The following RORA variants were observed in gnomAD, a reference collection of about 807,000 sequenced individuals.
The protein encoded by RORA is nuclear receptor ROR-alpha.
Under a neutral mutation model 69.5 loss-of-function variants are expected in RORA, and 7 were observed. The ratio of observed to expected loss-of-function variants is 0.10; its 90% CI spans 0.06 to 0.19. RORA has a LOEUF of 0.19. RORA is among the 10% of genes least tolerant of loss of function. RORA has a pLI of 1.00. For synonymous variants in RORA, 261 were observed against 240.8 expected, an observed-to-expected ratio of 1.08 and a Z score of -0.78; for missense variants, 457 against 663.0, an observed-to-expected ratio of 0.69 and a Z score of 3.41.
intron 1 of RORA, chr15:60,765,193 C>T (rs141863845): frequency 9.9e-5 from 15 of 152,102 alleles, no homozygotes; most frequent in South Asian, 8.3e-4. Flanking sequence ...TATTTTTGAA[C>T]GAGAAGGACT....
At chr15:60,663,098 G>C (rs991688800) in intron 2 of RORA, among the ~76,000 whole-genome samples, 1 of 152,226 alleles carries the variant, frequency 6.6e-6, no homozygotes, top group Non-Finnish European at 1.5e-5. Flanking sequence ...ATCTGCTGAA[G>C]CCTATATTGC....
chr15:60,857,477 A>C (rs139022020), intron 1 of RORA, among the ~76,000 whole-genome samples: 32 of 152,228 alleles, frequency 2.1e-4, no homozygotes, highest in Admixed American at 2.6e-4. Flanking sequence ...TTTGGAATGA[A>C]ACCAGCAGTG....
At chr15:61,015,929 C>A (rs571965230) in intron 1 of RORA, among the ~76,000 whole-genome samples, 2 of 152,258 alleles carry the variant, frequency 1.3e-5, no homozygotes, top group South Asian at 4.1e-4. Flanking sequence ...GTATGATGAA[C>A]ACAGTTTACG....
rs912390862 is a variant in RORA, at chr15:60,494,720, T to G, written c.*2735A>C. The G allele has an allele frequency of 1.3e-5, 2 of 152,202 alleles. No individual in the cohort carries two copies. Among genetic ancestry groups the G allele is most frequent in the Non-Finnish European group, 2.9e-5 (2 of 68,032 alleles). 9.4% of individuals were successfully genotyped at this position (152,202 alleles called of 1,614,324 possible). ...CAATCAGTGGACTTGGCTCTTAAGC[T>G]CCACCGCTGCTTTTCTTTCAGAAAC... On this transcript the variant is annotated 3_prime_UTR_variant, in exon 11 of 11. Transcript: ENST00000335670.
chr15:61,108,962 G>T (rs2078977479), intron 1 of RORA, among the ~76,000 whole-genome samples: 1 of 152,110 alleles, frequency 6.6e-6, no homozygotes, highest in Admixed American at 6.6e-5. Flanking sequence ...GCTTTGGGAG[G>T]CCAAGGCAGG....
chr15:60,526,260 T>C (rs995100760), intron 3 of RORA, among the ~76,000 whole-genome samples: 1 of 152,170 alleles, frequency 6.6e-6, no homozygotes, highest in African/African-American at 2.4e-5. Context: ...TGCCCACGTG[T>C]CATATTTGGT....
At chr15:60,774,832 C>G (rs2072138020) in intron 1 of RORA, among the ~76,000 whole-genome samples, 1 of 152,182 alleles carries the variant, frequency 6.6e-6, no homozygotes, top group Non-Finnish European at 1.5e-5. Flanking sequence ...TTGTTGAACC[C>G]ACAGCATAAC....
intron 1 of RORA, among the ~76,000 whole-genome samples, chr15:60,758,974 CA>C (rs1225048482): frequency 1.3e-5 from 2 of 152,190 alleles, no homozygotes; most frequent in African/African-American, 4.8e-5. Flanking sequence ...TGCCACATAG[CA>C]AGTTAGCACC....
intron 2 of RORA, among the ~76,000 whole-genome samples, chr15:60,666,756 C>A (rs2070388654): frequency 6.6e-6 from 1 of 152,114 alleles, no homozygotes; most frequent in South Asian, 2.1e-4. Context: ...CATGGAATCT[C>A]CTGGGAACAG....
At chr15:60,678,617 CT>C in intron 2 of RORA, 39 bp downstream of exon 2, 1 of 1,515,376 alleles carries the variant, frequency 6.6e-7, no homozygotes, top group Non-Finnish European at 9.2e-7. Flanking sequence ...AATTCCAACT[CT>C]TCAGAAAACT....
At chr15:60,571,148 T>C (rs1012894458) in intron 2 of RORA, among the ~76,000 whole-genome samples, 5 of 150,360 alleles carry the variant, frequency 3.3e-5, no homozygotes, top group African/African-American at 1.3e-4. Flanking sequence ...CTGTTCTTGC[T>C]ATTTTTTTTT....
intron 1 of RORA, among the ~76,000 whole-genome samples, chr15:61,096,820 G>A (rs150742135): frequency 2.5e-4 from 38 of 152,264 alleles, no homozygotes; most frequent in Non-Finnish European, 5.0e-4. Context: ...GTGAGTGTTC[G>A]TGATACATTT....
chr15:61,002,627 T>C (rs10519099), intron 1 of RORA, among the ~76,000 whole-genome samples: 45,904 of 151,986 alleles, frequency 0.3, 7,139 homozygotes, highest in African/African-American at 0.39. Flanking sequence ...CAGCCTACTT[T>C]TTACTTTATC....
At chr15:61,063,372 G>A (rs1429224601) in intron 1 of RORA, among the ~76,000 whole-genome samples, 3 of 152,188 alleles carry the variant, frequency 2.0e-5, no homozygotes, top group Non-Finnish European at 4.4e-5. Context: ...ATATAAAAAT[G>A]TAACTTGATA....
chr15:60,852,992 T>C (rs1366369290), intron 1 of RORA, among the ~76,000 whole-genome samples: 2 of 152,162 alleles, frequency 1.3e-5, no homozygotes, highest in Middle Eastern at 3.2e-3. Context: ...TTGCCGGTAA[T>C]ATCCTTTGTG....
chr15:60,517,061 G>A lies in RORA; in HGVS notation c.283-2304C>T, dbSNP rs182758857. On this transcript the variant is annotated intron_variant, in intron 3 of 10. Transcript: ENST00000335670. ...AAAATTATGCCCCAAATTGTTGGCAGTAGTTGGTGGGGCCAATCAGATTTT... is the reference window on the plus strand; with the variant it reads ...AAAATTATGCCCCAAATTGTTGGCAATAGTTGGTGGGGCCAATCAGATTTT... 1.9e-4 allele frequency among the ~76,000 whole-genome samples: 29 copies of A among 149,060 alleles called. No homozygotes were observed. In the East Asian group the frequency reaches 5.4e-3, roughly 28 times the overall value.
At chr15:60,744,342 A>G (rs940865625) in intron 1 of RORA, among the ~76,000 whole-genome samples, 5 of 152,350 alleles carry the variant, frequency 3.3e-5, no homozygotes, top group Admixed American at 6.5e-5. Flanking sequence ...TCCATTTCAT[A>G]CAAATTAGAT....
chr15:61,014,062 C>T (rs1239669032), intron 1 of RORA, among the ~76,000 whole-genome samples: 4 of 152,110 alleles, frequency 2.6e-5, no homozygotes, highest in African/African-American at 9.7e-5. Context: ...GGATCACAGG[C>T]GTGAGCCACC....
At chr15:60,973,821 G>A (rs567899512) in intron 1 of RORA, among the ~76,000 whole-genome samples, 3 of 152,326 alleles carry the variant, frequency 2.0e-5, no homozygotes, top group South Asian at 2.1e-4. Flanking sequence ...ACCGTGGGTC[G>A]GAGACATGAA....
Sources: allele counts gnomAD v4.1 joint callset (sites outside exome capture counted in the v4.1 genomes callset), GRCh38; gene constraint gnomAD v4.1.1; transcripts MANE v1.5; gene names NCBI Gene and HGNC (gene_info 2026-07-23, HGNC 2026-07-21).